MGAT4C: variants seen among roughly 807,000 people sequenced by gnomAD.
The protein encoded by MGAT4C is MGAT4 family member C, also known as alpha-1,3-mannosyl-glycoprotein 4-beta-N-acetylglucosaminyltransferase C.
MGAT4C carries 19 observed loss-of-function variants against 40.1 expected under a neutral mutation model. That is an observed-to-expected ratio of 0.47 (90% CI 0.33 to 0.70). The LOEUF (loss-of-function observed/expected upper bound fraction) is 0.70. Among genes scored for constraint, MGAT4C ranks in the 30% least tolerant of loss-of-function variants. The pLI is 0.02. For synonymous variants in MGAT4C, 181 were observed against 187.1 expected, an observed-to-expected ratio of 0.97 and a Z score of 0.27; for missense variants, 491 against 563.2, an observed-to-expected ratio of 0.87 and a Z score of 1.30.
intron 2 of MGAT4C, chr12:86,015,631 G>A (rs990549332): frequency 2.0e-5 from 3 of 152,216 alleles, no homozygotes; most frequent in African/African-American, 7.2e-5. Flanking sequence ...ATAACTGGAG[G>A]AAGAAATAGA....
chr12:86,374,102 C>A (rs1189422058), intron 3 of MGAT4C, among the ~76,000 whole-genome samples: 1 of 151,904 alleles, frequency 6.6e-6, no homozygotes, highest in Non-Finnish European at 1.5e-5. Flanking sequence ...CTAATGGCTT[C>A]TCTGTGGAAA....
chr12:86,705,448 C>T (rs1052763399), intron 2 of MGAT4C, among the ~76,000 whole-genome samples: 1 of 151,544 alleles, frequency 6.6e-6, no homozygotes, highest in Admixed American at 6.6e-5. Flanking sequence ...GGAGGTTTCA[C>T]AACAGAATTG....
intron 1 of MGAT4C, among the ~76,000 whole-genome samples, chr12:86,795,734 C>G (rs577609568): frequency 6.6e-6 from 1 of 152,076 alleles, no homozygotes; most frequent in South Asian, 2.1e-4. Flanking sequence ...TTCTATCCAT[C>G]TACTTCCCCA....
intron 3 of MGAT4C, among the ~76,000 whole-genome samples, chr12:86,391,535 G>A (rs1235106312): frequency 6.6e-6 from 1 of 152,154 alleles, no homozygotes; most frequent in Non-Finnish European, 1.5e-5. Context: ...AATATTTACT[G>A]AGCAACTTGG....
At chr12:86,778,017 T>A (rs1410050186) in intron 1 of MGAT4C, among the ~76,000 whole-genome samples, 1 of 152,150 alleles carries the variant, frequency 6.6e-6, no homozygotes, top group Non-Finnish European at 1.5e-5. Flanking sequence ...AGTAAGGAGA[T>A]AAATACAGCC....
intron 2 of MGAT4C, among the ~76,000 whole-genome samples, chr12:86,574,176 T>C (rs1004614994): frequency 4.0e-5 from 6 of 151,780 alleles, no homozygotes; most frequent in Non-Finnish European, 7.4e-5. Context: ...ATCTATGCAT[T>C]AGGATATTGA....
intron 1 of MGAT4C, among the ~76,000 whole-genome samples, chr12:86,094,449 T>C (rs1873515136): frequency 6.6e-6 from 1 of 152,166 alleles, no homozygotes; most frequent in South Asian, 2.1e-4. Context: ...TATGTTATAA[T>C]AATATTGATA....
chr12:86,816,336 G>A (rs951677645), intron 1 of MGAT4C, among the ~76,000 whole-genome samples: 6 of 151,466 alleles, frequency 4.0e-5, no homozygotes, highest in East Asian at 1.9e-4. Context: ...TTAAAAATAC[G>A]TTACAAGTTT....
At chr12:86,221,583 A>G (rs1327826470) in intron 1 of MGAT4C, among the ~76,000 whole-genome samples, 2 of 152,178 alleles carry the variant, frequency 1.3e-5, no homozygotes, top group Admixed American at 6.5e-5. Context: ...CTAAGTTAGT[A>G]TATATAAACA....
chr12:86,382,401 G>T (rs1457466318), intron 3 of MGAT4C, among the ~76,000 whole-genome samples: 1 of 152,156 alleles, frequency 6.6e-6, no homozygotes, highest in African/African-American at 2.4e-5. Context: ...GGTGACTTGG[G>T]TGCTGTTAAA....
chr12:86,102,291 G>T (rs547271733), intron 1 of MGAT4C, among the ~76,000 whole-genome samples: 2 of 151,848 alleles, frequency 1.3e-5, no homozygotes, highest in East Asian at 3.9e-4. Flanking sequence ...AGAGCCAAAG[G>T]TTTCCAAAAA....
rs1592953725 is a variant in MGAT4C, at chr12:86,527,820, G to A, written c.-228-92555C>T. Reference sequence around the variant, plus strand: ...TTGTTTGCTATTTGTATTTATAAACGCTACTGATATAGAAAGACAAATATC... The same window carrying A: ...TTGTTTGCTATTTGTATTTATAAACACTACTGATATAGAAAGACAAATATC... On this transcript the variant is annotated intron_variant, in intron 2 of 7. Transcript: ENST00000548651. Among the ~76,000 whole-genome samples, 8 of 152,020 alleles carry A rather than the reference G, an allele frequency of 5.3e-5. No homozygotes were observed. In the South Asian group the frequency reaches 1.5e-3, roughly 28 times the overall value.
At chr12:86,576,574 G>C (rs979585982) in intron 2 of MGAT4C, among the ~76,000 whole-genome samples, 4 of 151,870 alleles carry the variant, frequency 2.6e-5, no homozygotes, top group African/African-American at 7.2e-5. Context: ...TTATTGAAGA[G>C]ACTGTCATTT....
At position 86,830,161 on chromosome 12, in the gene MGAT4C, A is replaced by T. The variant is rs376121460; in HGVS notation, c.-262+8505T>A. 1.5e-4 allele frequency among the ~76,000 whole-genome samples: 23 copies of T among 151,344 alleles called. No individual in the cohort carries two copies. The South Asian group carries it at 4.8e-3, about 32-fold the overall frequency. On this transcript the variant is annotated intron_variant, in intron 1 of 7. Coordinates refer to the MGAT4C transcript ENST00000548651. The stretch of plus-strand genomic sequence containing the variant: ...ATGTTTGAGCTTGAGCCTGAGTCTC[A>T]CTGTCCCTCTTGTCAGTCCATCCAT...
At chr12:85,987,116 A>ATTTTTTT (rs869139864) in intron 3 of MGAT4C, among the ~76,000 whole-genome samples, 2 of 73,830 alleles carry the variant, frequency 2.7e-5, no homozygotes, top group African/African-American at 5.7e-5. Context: ...TAAAATAATA[A>ATTTTTTT]TTTTTTTTTT....
At chr12:86,729,635 A>C (rs1225565993) in intron 1 of MGAT4C, among the ~76,000 whole-genome samples, 1 of 151,738 alleles carries the variant, frequency 6.6e-6, no homozygotes, top group African/African-American at 2.4e-5. Context: ...TTATATGCAT[A>C]TATATTAAAT....
chr12:86,431,067 C>T (rs1957028390), intron 3 of MGAT4C, among the ~76,000 whole-genome samples: 1 of 152,126 alleles, frequency 6.6e-6, no homozygotes, highest in African/African-American at 2.4e-5. Flanking sequence ...CATCTCCTTG[C>T]CTAGGCAGAA....
chr12:86,786,254 T>G (rs753918927), intron 1 of MGAT4C, among the ~76,000 whole-genome samples: 9 of 152,090 alleles, frequency 5.9e-5, no homozygotes, highest in Non-Finnish European at 1.3e-4. Context: ...ACACAGATAA[T>G]GTTGGTTGTA....
intron 1 of MGAT4C, among the ~76,000 whole-genome samples, chr12:86,157,281 T>C (rs1885064019): frequency 6.6e-6 from 1 of 152,208 alleles, no homozygotes; most frequent in Admixed American, 6.5e-5. Flanking sequence ...AGTAAATGCA[T>C]AACGACCATC....
Sources: allele counts gnomAD v4.1 joint callset (sites outside exome capture counted in the v4.1 genomes callset), GRCh38; gene constraint gnomAD v4.1.1; transcripts MANE v1.5; gene names NCBI Gene and HGNC (gene_info 2026-07-23, HGNC 2026-07-21).